Variants in RAPGEF4 observed in about 807,000 individuals in gnomAD.
RAPGEF4 encodes Rap guanine nucleotide exchange factor 4, also known as RAP guanine-nucleotide-exchange factor (GEF) 4.
Under a neutral mutation model 147.9 loss-of-function variants are expected in RAPGEF4, and 66 were observed. That is an observed-to-expected ratio of 0.45 (90% CI 0.37 to 0.55). RAPGEF4 has a LOEUF of 0.55. RAPGEF4 is among the 20% of genes least tolerant of loss of function. The probability of loss-of-function intolerance (pLI) is 0.00; values close to 1 mark genes in which losing one functional copy is unlikely to be tolerated. For missense variants in RAPGEF4, 1,071 were observed against 1,257.3 expected, an observed-to-expected ratio of 0.85 and a Z score of 2.24; for synonymous variants, 419 against 442.7, an observed-to-expected ratio of 0.95 and a Z score of 0.67.
At chr2:172,895,800 A>G (rs1396063060) in intron 4 of RAPGEF4, among the ~76,000 whole-genome samples, 2 of 152,194 alleles carry the variant, frequency 1.3e-5, no homozygotes, top group African/African-American at 2.4e-5. Flanking sequence ...CAGACAGACA[A>G]ACAAACCAGA....
chr2:172,743,321 C>A (rs1374599620), intron 1 of RAPGEF4, among the ~76,000 whole-genome samples: 1 of 152,112 alleles, frequency 6.6e-6, no homozygotes, highest in Non-Finnish European at 1.5e-5. Flanking sequence ...CGAGCGGAGG[C>A]GGACAATCCT....
At chr2:172,886,174 A>G (rs1036049720) in intron 4 of RAPGEF4, among the ~76,000 whole-genome samples, 3 of 152,234 alleles carry the variant, frequency 2.0e-5, no homozygotes, top group Non-Finnish European at 2.9e-5. Context: ...CGTATTTGCA[A>G]TGATGTAGCT....
At chr2:173,026,549 T>A in intron 23 of RAPGEF4, 23 bp from the exon 24 acceptor site, 2 of 1,607,534 alleles carry the variant, frequency 1.2e-6, no homozygotes, top group Non-Finnish European at 1.7e-6. Flanking sequence ...GTTTCTGATA[T>A]GTTTTTGCAT....
At chr2:172,867,250 G>C (rs1694754424) in intron 4 of RAPGEF4, among the ~76,000 whole-genome samples, 1 of 152,026 alleles carries the variant, frequency 6.6e-6, no homozygotes, top group African/African-American at 2.4e-5. Flanking sequence ...TGGGATTACA[G>C]GTGTGAGCCA....
chr2:172,952,556 A>C (rs1688310205), intron 6 of RAPGEF4, among the ~76,000 whole-genome samples: 1 of 152,204 alleles, frequency 6.6e-6, no homozygotes, highest in Non-Finnish European at 1.5e-5. Context: ...TCTACTACTC[A>C]AATGCAGATT....
intron 1 of RAPGEF4, among the ~76,000 whole-genome samples, chr2:172,786,226 T>G (rs926626922): frequency 2.0e-5 from 3 of 152,310 alleles, no homozygotes; most frequent in East Asian, 3.9e-4. Flanking sequence ...CCTGGATGCC[T>G]GACTTTGATA....
At chr2:172,815,547 G>A (rs182775375) in intron 4 of RAPGEF4, among the ~76,000 whole-genome samples, 35 of 152,344 alleles carry the variant, frequency 2.3e-4, no homozygotes, top group African/African-American at 7.7e-4. Context: ...TGCATGAGGT[G>A]TATGTGGAGA....
intron 4 of RAPGEF4, among the ~76,000 whole-genome samples, chr2:172,863,548 A>G (rs973846673): frequency 6.6e-6 from 1 of 152,230 alleles, no homozygotes; most frequent in Admixed American, 6.5e-5. Context: ...AGGAATGGAA[A>G]TTCTCAAAAT....
At chr2:172,862,234 C>A (rs548163376) in intron 4 of RAPGEF4, among the ~76,000 whole-genome samples, 1 of 152,140 alleles carries the variant, frequency 6.6e-6, no homozygotes, top group South Asian at 2.1e-4. Flanking sequence ...AATAAATTGG[C>A]CCCTGCAGTT....
At chr2:172,903,712 GCC>G (rs11287068) in intron 4 of RAPGEF4, among the ~76,000 whole-genome samples, 2 of 152,160 alleles carry the variant, frequency 1.3e-5, no homozygotes, top group South Asian at 2.1e-4. Context: ...GATACTGTAT[GCC>G]CCCCGGGGGT....
At chr2:172,880,842 A>C (rs1696540623) in intron 4 of RAPGEF4, among the ~76,000 whole-genome samples, 1 of 152,204 alleles carries the variant, frequency 6.6e-6, no homozygotes, top group Non-Finnish European at 1.5e-5. Context: ...GCAAAGCTTT[A>C]ACAGTGGGAA....
intron 27 of RAPGEF4, among the ~76,000 whole-genome samples, chr2:173,034,995 CAG>C (rs376969759): frequency 1.2e-3 from 187 of 152,080 alleles, no homozygotes; most frequent in African/African-American, 4.4e-3. Context: ...TTGAATAACT[CAG>C]GGGTTGGGGC....
rs189486999 is a variant in RAPGEF4, at chr2:172,791,053, C to A, written c.66-3972C>A. Among the ~76,000 whole-genome samples the A allele has an allele frequency of 1.2e-3, 186 of 152,332 alleles. 1 individual carries two copies. The highest frequency in any genetic ancestry group is 9.3e-3 in the Admixed American group (143 of 15,302). On this transcript the variant is annotated intron_variant, in intron 1 of 30. Transcript: ENST00000397081. ...AAGGTAGAAAGGGGTGGGCCTATTC[C>A]TGCAAGCCTTTTTTATAGCAGCATT...
intron 1 of RAPGEF4, among the ~76,000 whole-genome samples, chr2:172,745,463 A>C (rs1049967070): frequency 4.0e-5 from 6 of 150,778 alleles, no homozygotes; most frequent in African/African-American, 1.5e-4. Context: ...TTTTTTTTTT[A>C]ATTCATTCTT....
intron 17 of RAPGEF4, among the ~76,000 whole-genome samples, chr2:173,005,922 G>A (rs1424647467): frequency 1.3e-5 from 2 of 152,128 alleles, no homozygotes; most frequent in African/African-American, 4.8e-5. Flanking sequence ...AGTCCGTGTA[G>A]CACTGATGTA....
At position 172,845,696 on chromosome 2, in the gene RAPGEF4, C is replaced by T. The variant is rs562007727; in HGVS notation, c.444+31271C>T. Among the ~76,000 whole-genome samples the T allele has an allele frequency of 9.9e-5, 15 of 152,280 alleles. No individual in the cohort carries two copies. The South Asian group carries it at 1.9e-3, about 19-fold the overall frequency. On this transcript the variant is annotated intron_variant, in intron 4 of 30. Coordinates refer to ENST00000397081, the MANE Select transcript of RAPGEF4 (RefSeq NM_007023.4). ...AAAATTGTGGTTAAGATGCACATAACGTGACATTTACCATTTTAACCATTT... is the reference window on the plus strand; with the variant it reads ...AAAATTGTGGTTAAGATGCACATAATGTGACATTTACCATTTTAACCATTT...
rs149026730 is a variant in RAPGEF4 at position 172,881,560 on chromosome 2, G to A, written c.445-36242G>A. On this transcript the variant is annotated intron_variant, in intron 4 of 30. Transcript: ENST00000397081. ...TTAGCACTTCCTCGGATAGAAGGAA[G>A]CAGCCTGCACTGTGGGGAAGGACAT... Among the ~76,000 whole-genome samples, 164 of 152,352 alleles carry A rather than the reference G, an allele frequency of 1.1e-3. 2 individuals carry two copies. The East Asian group carries it at 0.026, about 24-fold the overall frequency.
At chr2:172,838,954 A>G (rs1691272961) in intron 4 of RAPGEF4, among the ~76,000 whole-genome samples, 1 of 152,146 alleles carries the variant, frequency 6.6e-6, no homozygotes, top group Non-Finnish European at 1.5e-5. Context: ...AGTTTGGGCA[A>G]TAAGCAAGTT....
At chr2:172,988,341 A>G (rs1229824401) in intron 13 of RAPGEF4, 69 bp downstream of exon 13, 8 of 1,531,004 alleles carry the variant, frequency 5.2e-6, no homozygotes, top group Non-Finnish European at 6.1e-6. Context: ...AAGTATTAGC[A>G]ATGTAGTGCC....
Sources: gnomAD v4.1 joint callset for allele counts (sites outside exome capture counted in the v4.1 genomes callset) on GRCh38, gnomAD v4.1.1 for gene constraint, MANE v1.5 for transcripts, NCBI Gene and HGNC (gene_info 2026-07-23, HGNC 2026-07-21) for gene names.